MARVELD2: variants seen among roughly 807,000 people sequenced by gnomAD.
MARVELD2 encodes MARVEL domain-containing protein 2.
A neutral mutation model predicts 57.6 loss-of-function variants in MARVELD2; 49 were observed. That is an observed-to-expected ratio of 0.85 (90% CI 0.68 to 1.08). The LOEUF is 1.08. MARVELD2 is among the 50% of genes least tolerant of loss of function. The pLI, the probability that MARVELD2 is intolerant of heterozygous loss-of-function variation, is 0.00. For synonymous variants in MARVELD2, 238 were observed against 258.8 expected, an observed-to-expected ratio of 0.92 and a Z score of 0.77; for missense variants, 606 against 701.1, an observed-to-expected ratio of 0.86 and a Z score of 1.53.
intron 5 of MARVELD2, among the ~76,000 whole-genome samples, chr5:69,437,547 G>C (rs1253138855): frequency 2.6e-5 from 4 of 151,858 alleles, no homozygotes; most frequent in Non-Finnish European, 5.9e-5. Flanking sequence ...AGCCGAGCAT[G>C]GTGGTGGGCG....
chr5:69,437,423 A>C (rs1174085144), intron 5 of MARVELD2, among the ~76,000 whole-genome samples: 2 of 143,142 alleles, frequency 1.4e-5, no homozygotes, highest in Non-Finnish European at 3.0e-5. Flanking sequence ...GGTGGCTCAC[A>C]CCTGTAATCC....
At chr5:69,437,691 A>G (rs1270841362) in intron 5 of MARVELD2, among the ~76,000 whole-genome samples, 1 of 151,716 alleles carries the variant, frequency 6.6e-6, no homozygotes, top group East Asian at 1.9e-4. Context: ...CTCAAAAAAA[A>G]AAAACAAAGA....
intron 2 of MARVELD2, among the ~76,000 whole-genome samples, chr5:69,422,870 C>T (rs145332281): frequency 0.02 from 3,098 of 152,136 alleles, 36 homozygotes; most frequent in Non-Finnish European, 0.033. Flanking sequence ...TCAGACTGGC[C>T]GACACTTAGG....
At chr5:69,422,333 G>T (rs1028167271) in intron 2 of MARVELD2, among the ~76,000 whole-genome samples, 1 of 148,136 alleles carries the variant, frequency 6.8e-6, no homozygotes, top group Non-Finnish European at 1.5e-5. Flanking sequence ...GAGAAATATC[G>T]CTGAATTCTT....
chr5:69,423,307 C>T (rs1357559888), intron 2 of MARVELD2, among the ~76,000 whole-genome samples: 8 of 152,106 alleles, frequency 5.3e-5, no homozygotes, highest in African/African-American at 9.7e-5. Context: ...ACCCAGCCTG[C>T]AATACGGTGG....
chr5:69,434,382 C>G (rs1767068890), intron 5 of MARVELD2, among the ~76,000 whole-genome samples: 3 of 151,822 alleles, frequency 2.0e-5, no homozygotes, highest in Admixed American at 2.0e-4. Context: ...TTGCCTGAAC[C>G]CAGGAGGTGG....
chr5:69,418,531 T>C (rs1375289333), intron 1 of MARVELD2, among the ~76,000 whole-genome samples: 1 of 152,230 alleles, frequency 6.6e-6, no homozygotes, highest in East Asian at 1.9e-4. Context: ...TGCCATTCTC[T>C]ATTGTGCCTT....
intron 3 of MARVELD2, among the ~76,000 whole-genome samples, chr5:69,428,104 A>G (rs1041653949): frequency 2.0e-5 from 3 of 150,500 alleles, no homozygotes; most frequent in Non-Finnish European, 3.0e-5. Flanking sequence ...GAGCGAGACT[A>G]TGTCTCAAAA....
At position 69,415,161 on chromosome 5, in the gene MARVELD2, G is replaced by T. The variant is rs1332326457; in HGVS notation, c.-25G>T. 1 of 152,312 alleles carries T rather than the reference G, an allele frequency of 6.6e-6. No homozygotes were observed. Among genetic ancestry groups the T allele is most frequent in the African/African-American group, 2.4e-5 (1 of 41,474 alleles). 9.4% of individuals were successfully genotyped at this position (152,312 alleles called of 1,614,324 possible). On this transcript the variant is annotated 5_prime_UTR_variant, in exon 1 of 7. Coordinates refer to ENST00000325631, the MANE Select transcript of MARVELD2 (RefSeq NM_001038603.3). ...GGGCAGCGTGCGCGCTCTTCCTGGCGGCTGCGCAGGTAAGTGGGACCGGGG... is the reference window on the plus strand; with the variant it reads ...GGGCAGCGTGCGCGCTCTTCCTGGCTGCTGCGCAGGTAAGTGGGACCGGGG...
chr5:69,419,095 T>C, intron 1 of MARVELD2: 1 of 481,232 alleles, frequency 2.1e-6, no homozygotes, highest in Non-Finnish European at 3.8e-6. Context: ...CTGGCTAGTT[T>C]TTGTATTTTT....
chr5:69,440,940 C>T (rs568177428), intron 6 of MARVELD2, among the ~76,000 whole-genome samples: 14 of 152,120 alleles, frequency 9.2e-5, no homozygotes, highest in African/African-American at 3.1e-4. Context: ...AAGCATTAGC[C>T]GGTAGTGGTG....
intron 3 of MARVELD2, among the ~76,000 whole-genome samples, chr5:69,426,348 A>ATTATTATTATTT (rs1481729578): frequency 3.4e-5 from 5 of 147,498 alleles, no homozygotes; most frequent in Admixed American, 1.4e-4. Context: ...TATTATTATT[A>ATTATTATTATTT]TTTTTAGACA....
At chr5:69,426,794 C>T (rs1248093029) in intron 3 of MARVELD2, among the ~76,000 whole-genome samples, 2 of 152,154 alleles carry the variant, frequency 1.3e-5, no homozygotes, top group African/African-American at 4.8e-5. Context: ...CTTAACCTCC[C>T]AAGTAGCTGG....
In MARVELD2 at chr5:69,442,225, A is replaced by G. The variant is rs559964994; in HGVS notation, c.*571A>G. ...CAAGTGGACCATCAATTCTGGTGCT[A>G]CTTTTTCCTTTTTTACTCAGGCAGG... On this transcript the variant is annotated 3_prime_UTR_variant, in exon 7 of 7. Coordinates refer to ENST00000325631, the MANE Select transcript of MARVELD2 (RefSeq NM_001038603.3). 6.6e-6 allele frequency: 1 copy of G among 152,110 alleles called. No homozygotes were observed. 9.4% of individuals were successfully genotyped at this position (152,110 alleles called of 1,614,324 possible).
At chr5:69,427,802 A>G (rs1206211247) in intron 3 of MARVELD2, among the ~76,000 whole-genome samples, 1 of 152,148 alleles carries the variant, frequency 6.6e-6, no homozygotes, top group East Asian at 1.9e-4. Context: ...TTTGTCTCAT[A>G]TGTGGTTTTA....
rs1436313361 is a variant in MARVELD2 at position 69,419,652 on chromosome 5, T to C, written c.267T>C (p.Phe89=). The C allele has an allele frequency of 1.2e-6, 2 of 1,614,154 alleles. No individual in the cohort carries two copies. The highest frequency in any genetic ancestry group is 2.2e-5 in the South Asian group (2 of 91,086). ...TTGTCCCTGACTCCTGGAAGAACTT[T>C]TTCAGAGGGAAGAAAAAGGACCCCG... ...RRFVPDSWKN[F]FRGKKKDPEW... is the part of the protein sequence containing the mutation. The change falls in exon 2 of 7, where the codon TTT becomes TTC. Residue 89 remains phenylalanine (F), a synonymous_variant. Transcript: ENST00000325631.
chr5:69,437,110 A>G (rs1348270516), intron 5 of MARVELD2, among the ~76,000 whole-genome samples: 1 of 149,944 alleles, frequency 6.7e-6, no homozygotes, highest in Non-Finnish European at 1.5e-5. Context: ...AATTGCTTGA[A>G]CCCGGGAGTC....
At position 69,444,009 on chromosome 5, in the gene MARVELD2, T is replaced by TAAAACAAAAAAAAAAAAAAAAAAAAAA. The variant is rs1767398710; in HGVS notation, c.*2359_*2360insCAAAAAAAAAAAAAAAAAAAAAAAAAA. 1.6e-5 allele frequency: 1 copy of TAAAACAAAAAAAAAAAAAAAAAAAAAA among 62,486 alleles called. No individual in the cohort carries two copies. The highest frequency in any genetic ancestry group is 3.2e-5 in the Non-Finnish European group (1 of 31,600). The allele number at this position is 62,486 out of a possible 1,614,324, so 3.9% of individuals were successfully genotyped here. A position where few individuals can be genotyped will look rare whatever the true frequency, so the allele number is the denominator to read the frequency against. Reference sequence around the variant, plus strand: ...TCACTTAAGAAGAGCACCAGTGCTTTAAAAAAAAAAAAAGGTAAAATATTA... The same window carrying TAAAACAAAAAAAAAAAAAAAAAAAAAA: ...TCACTTAAGAAGAGCACCAGTGCTTTAAAACAAAAAAAAAAAAAAAAAAAAAAAAAAAAAAAAAAAGGTAAAATATTA... On this transcript the variant is annotated 3_prime_UTR_variant, in exon 7 of 7. Coordinates refer to ENST00000325631, the MANE Select transcript of MARVELD2 (RefSeq NM_001038603.3).
intron 5 of MARVELD2, 21 bp downstream of exon 5, chr5:69,433,114 A>G (rs774054797): frequency 1.4e-6 from 2 of 1,448,138 alleles, no homozygotes; most frequent in Admixed American, 3.4e-5. Flanking sequence ...GCAGCTGCCT[A>G]GGAGGAGCAC....
Sources: gnomAD v4.1 joint callset for allele counts (sites outside exome capture counted in the v4.1 genomes callset) on GRCh38, gnomAD v4.1.1 for gene constraint, MANE v1.5 for transcripts, NCBI Gene and HGNC (gene_info 2026-07-23, HGNC 2026-07-21) for gene names.